IL1RAPL1: variants seen among roughly 807,000 people sequenced by gnomAD.
IL1RAPL1 encodes the protein interleukin 1 receptor accessory protein like 1, also known as interleukin-1 receptor accessory protein-like 1.
Under a neutral mutation model 48.4 loss-of-function variants are expected in IL1RAPL1, and 3 were observed. The ratio of observed to expected loss-of-function variants is 0.06; its 90% confidence interval spans 0.03 to 0.16. IL1RAPL1 has a LOEUF of 0.16. Among genes scored for constraint, IL1RAPL1 ranks in the 10% least tolerant of loss-of-function variants. The probability of loss-of-function intolerance (pLI) is 1.00; values close to 1 mark genes in which losing one functional copy is unlikely to be tolerated. For synonymous variants in IL1RAPL1, 185 were observed against 187.7 expected (o/e 0.99, Z 0.12); for missense variants, 349 against 530.6 (o/e 0.66, Z 3.36).
At chrX:28,761,010 TG>T (rs1456988985) in intron 1 of IL1RAPL1, among the ~76,000 whole-genome samples, 1 of 105,092 alleles carries the variant, frequency 9.5e-6, no homozygotes, top group African/African-American at 3.5e-5. Context: ...TGCTTGAACC[TG>T]GGGGGGCAGA....
intron 6 of IL1RAPL1, among the ~76,000 whole-genome samples, chrX:29,681,821 C>A (rs1926460503): frequency 9.0e-6 from 1 of 110,825 alleles, no homozygotes; most frequent in Non-Finnish European, 1.9e-5. Context: ...CTATAACAGG[C>A]ATTAGAATTT....
At chrX:29,415,182 T>C (rs970530106) in intron 5 of IL1RAPL1, among the ~76,000 whole-genome samples, 1 of 111,590 alleles carries the variant, frequency 9.0e-6, no homozygotes, top group East Asian at 2.8e-4. Flanking sequence ...CATTATTCCA[T>C]GCAAACTCGT....
intron 2 of IL1RAPL1, among the ~76,000 whole-genome samples, chrX:28,919,498 G>A (rs923566106): frequency 8.9e-6 from 1 of 112,096 alleles, no homozygotes; most frequent in Non-Finnish European, 1.9e-5. Context: ...AACTATAGAG[G>A]AATTTTTTTA....
At chrX:29,044,038 T>C (rs1291993366) in intron 2 of IL1RAPL1, among the ~76,000 whole-genome samples, 1 of 112,288 alleles carries the variant, frequency 8.9e-6, no homozygotes, top group Admixed American at 9.5e-5. Context: ...TTGAATAAGC[T>C]GAATTAGACA....
chrX:29,263,342 G>A, intron 2 of IL1RAPL1, among the ~76,000 whole-genome samples: 1 of 112,049 alleles, frequency 8.9e-6, no homozygotes, highest in Non-Finnish European at 1.9e-5. Context: ...ACATAAACTG[G>A]GAAAACAGCA....
intron 1 of IL1RAPL1, among the ~76,000 whole-genome samples, chrX:28,780,337 G>GTGTA (rs1399750804): frequency 6.2e-5 from 5 of 80,105 alleles, no homozygotes; most frequent in Non-Finnish European, 1.1e-4. Flanking sequence ...GTGTGTATGT[G>GTGTA]TGTGTGTGTG....
At chrX:29,233,603 G>C (rs1354150890) in intron 2 of IL1RAPL1, among the ~76,000 whole-genome samples, 1 of 111,014 alleles carries the variant, frequency 9.0e-6, no homozygotes, top group East Asian at 2.8e-4. Context: ...GACCCTCAGA[G>C]TTTCTTGCCT....
At chrX:29,518,148 G>C (rs1320916844) in intron 5 of IL1RAPL1, among the ~76,000 whole-genome samples, 2 of 111,734 alleles carry the variant, frequency 1.8e-5, no homozygotes, top group Non-Finnish European at 3.8e-5. Flanking sequence ...GAATAAAACA[G>C]ACAAAGAGGC....
At chrX:29,131,611 C>T (rs959369076) in intron 2 of IL1RAPL1, among the ~76,000 whole-genome samples, 1 of 111,176 alleles carries the variant, frequency 9.0e-6, no homozygotes, top group African/African-American at 3.3e-5. Flanking sequence ...ATGGCATTGC[C>T]TTAAGGATAT....
chrX:29,946,623 A>G (rs1258688539), intron 9 of IL1RAPL1, among the ~76,000 whole-genome samples: 2 of 112,217 alleles, frequency 1.8e-5, no homozygotes, highest in Non-Finnish European at 3.8e-5. Flanking sequence ...AAGAAGTTCC[A>G]ATTCTGTTGT....
intron 2 of IL1RAPL1, among the ~76,000 whole-genome samples, chrX:29,026,352 A>C (rs1327509902): frequency 1.8e-5 from 2 of 112,209 alleles, no homozygotes; most frequent in Admixed American, 9.5e-5. Context: ...TTCAAAGCTC[A>C]TCCAAATTTG....
At chrX:29,538,151 AT>A (rs1921298507) in intron 5 of IL1RAPL1, among the ~76,000 whole-genome samples, 1 of 108,899 alleles carries the variant, frequency 9.2e-6, no homozygotes, top group Non-Finnish European at 1.9e-5. Context: ...TCACTTTAAT[AT>A]TGATTTTTAT....
intron 1 of IL1RAPL1, among the ~76,000 whole-genome samples, chrX:28,629,247 C>A (rs1287192966): frequency 9.0e-6 from 1 of 111,281 alleles, no homozygotes; most frequent in African/African-American, 3.3e-5. Context: ...AGAAAAGGCG[C>A]CCTTGTTTCT....
chrX:29,706,288 A>G (rs1250300208), intron 6 of IL1RAPL1, among the ~76,000 whole-genome samples: 2 of 111,651 alleles, frequency 1.8e-5, no homozygotes, highest in Admixed American at 1.9e-4. Flanking sequence ...CCTAAATCTC[A>G]TATATTCACA....
chrX:29,460,476 G>A (rs1934790208), intron 5 of IL1RAPL1, among the ~76,000 whole-genome samples: 1 of 111,684 alleles, frequency 9.0e-6, no homozygotes. Flanking sequence ...ACAAACATCA[G>A]GTCCCATTTC....
At chrX:28,875,380 A>G (rs1340469376) in intron 2 of IL1RAPL1, among the ~76,000 whole-genome samples, 1 of 112,476 alleles carries the variant, frequency 8.9e-6, no homozygotes, top group Non-Finnish European at 1.9e-5. Flanking sequence ...TTTCCATCAA[A>G]CTGCCTTGCT....
chrX:29,076,015 G>A (rs1035179488), intron 2 of IL1RAPL1, among the ~76,000 whole-genome samples: 17 of 111,440 alleles, frequency 1.5e-4, no homozygotes, highest in Admixed American at 5.7e-4. Flanking sequence ...ATTGAAAAAT[G>A]TGGCTACTGC....
chrX:29,790,143 G>A (rs1298867001), intron 6 of IL1RAPL1, among the ~76,000 whole-genome samples: 4 of 111,129 alleles, frequency 3.6e-5, no homozygotes, highest in East Asian at 5.6e-4. Context: ...GTTTCTTTAC[G>A]AAAATAAAGT....
chrX:28,826,344 G>A (rs1056593981), intron 2 of IL1RAPL1, among the ~76,000 whole-genome samples: 2 of 111,473 alleles, frequency 1.8e-5, no homozygotes, highest in Non-Finnish European at 3.8e-5. Context: ...CTAGCATTTA[G>A]CATGTTTGTG....
Sources: allele counts gnomAD v4.1 joint callset (sites outside exome capture counted in the v4.1 genomes callset), GRCh38; gene constraint gnomAD v4.1.1; transcripts MANE v1.5; gene names NCBI Gene and HGNC (gene_info 2026-07-23, HGNC 2026-07-21).